Variants in KIFC1 observed in about 807,000 individuals in gnomAD.
The protein encoded by KIFC1 is kinesin-like protein KIFC1.
In KIFC1, 37 loss-of-function variants were observed where a neutral mutation model predicts 66.6. That is an observed-to-expected ratio of 0.56 (90% confidence interval 0.43 to 0.73). KIFC1 has a LOEUF of 0.73. Among genes scored for constraint, KIFC1 ranks in the 30% least tolerant of loss-of-function variants. KIFC1 has a pLI of 0.00. For synonymous variants in KIFC1, 325 were observed against 343.5 expected (o/e 0.95, Z 0.60); for missense variants, 721 against 859.8 (o/e 0.84, Z 2.02).
rs767073513 is a variant in KIFC1 at position 33,405,560 on chromosome 6, C to T, written c.1465C>T (p.Arg489Cys). Residue 489 changes from arginine (R) to cysteine (C), a missense_variant, in exon 7 of 11, where the codon CGT becomes TGT. By Grantham distance (180) the Arg-to-Cys change is radical. Coordinates refer to ENST00000428849, the MANE Select transcript of KIFC1 (RefSeq NM_002263.4). The surrounding 1 kb of genome is among the most constrained non-coding windows in gnomAD (Gnocchi z 5.4). The part of the protein sequence containing the change: ...KGQGGECEIR[R>C]AGPGSEELTV... ...TCAAGGGGGCGAGTGTGAGATTCGC[C>T]GTGCAGGGCCAGGGAGTGAGGAGCT... 1.6e-5 allele frequency: 26 copies of T among 1,592,034 alleles called. No homozygotes were observed. Among genetic ancestry groups the T allele is most frequent in the South Asian group, 8.0e-5 (7 of 87,766 alleles).
chr6:33,398,303 C>T lies in KIFC1; in HGVS notation c.166C>T (p.Leu56=), dbSNP rs2151085560. 1 of 1,614,038 alleles carries T rather than the reference C, an allele frequency of 6.2e-7. No individual in the cohort carries two copies. Among genetic ancestry groups the T allele is most frequent in the Non-Finnish European group, 8.5e-7 (1 of 1,180,014 alleles). The stretch of plus-strand genomic sequence containing the variant: ...CTTTCCCCAGAAACGGACAAGAGGC[C>T]TGGGTGCAACGACCAAAATTACCAC... ...LEPEKKRTRG[L]GATTKITTSH... Residue 56 remains leucine (L), a synonymous_variant, in exon 3 of 11, where the codon CTG becomes TTG. Coordinates refer to ENST00000428849, the MANE Select transcript of KIFC1 (RefSeq NM_002263.4).
chr6:33,409,808 T>C lies in KIFC1; in HGVS notation c.*118T>C, dbSNP rs1775859369. 3 of 1,090,856 alleles carry C rather than the reference T, an allele frequency of 2.8e-6. No individual in the cohort carries two copies. The highest frequency in any genetic ancestry group is 1.3e-5 in the South Asian group (1 of 76,538). The allele number at this position is 1,090,856 out of a possible 1,614,324, so 67.6% of individuals were successfully genotyped here. ...GGGAGGGTTGCTGGAGGGTGCTTTATTGGGTGGAGGGCACCATGTCCCAGG... is the reference window on the plus strand; with the variant it reads ...GGGAGGGTTGCTGGAGGGTGCTTTACTGGGTGGAGGGCACCATGTCCCAGG... On this transcript the variant is annotated 3_prime_UTR_variant, in exon 11 of 11. Transcript: ENST00000428849.
At position 33,405,704 on chromosome 6, in the gene KIFC1, G is replaced by GAGAAAGGA; in HGVS notation, c.1536+74_1536+81dup. 1 of 1,363,380 alleles carries GAGAAAGGA rather than the reference G, an allele frequency of 7.3e-7. No homozygotes were observed. The highest frequency in any genetic ancestry group is 2.5e-5 in the East Asian group (1 of 40,182). The allele number at this position is 1,363,380 out of a possible 1,614,324, so 84.5% of individuals were successfully genotyped here. A position where few individuals can be genotyped will look rare whatever the true frequency, so the allele number is the denominator to read the frequency against. The stretch of plus-strand genomic sequence containing the variant: ...GGGTGCCACGAGATGGAGGTAGAGG[G>GAGAAAGGA]AGAAAGGAGCAAGAGAGAATTGAAG... On this transcript the variant is annotated intron_variant, in intron 7 of 10. Transcript: ENST00000428849. This position sits in a 1 kb window ranked among gnomAD's most constrained non-coding sequence, Gnocchi z 5.4.
chr6:33,398,933 G>C (rs1448594259), intron 3 of KIFC1, among the ~76,000 whole-genome samples: 2 of 152,204 alleles, frequency 1.3e-5, no homozygotes, highest in Non-Finnish European at 2.9e-5. Context: ...AAGCAAGTAA[G>C]ACTATACTCC....
At chr6:33,396,436 C>CTTTT (rs199749552) in intron 1 of KIFC1, among the ~76,000 whole-genome samples, 154 of 116,126 alleles carry the variant, frequency 1.3e-3, no homozygotes, top group Non-Finnish European at 1.8e-3. Context: ...CTTTTCTTTT[C>CTTTT]TTTTTTTTTT....
At position 33,392,698 on chromosome 6, in the gene KIFC1, C is replaced by T. The variant is rs910716747; in HGVS notation, c.12+701C>T. On this transcript the variant is annotated intron_variant, in intron 1 of 10. Coordinates refer to ENST00000428849, the MANE Select transcript of KIFC1 (RefSeq NM_002263.4). ...GTGCCAGGAAAGGTCTGCCTGAATC[C>T]TTTGTTTACTAGTATTTCACGTTCA... Among the ~76,000 whole-genome samples the T allele has an allele frequency of 3.3e-5, 5 of 152,046 alleles. No individual in the cohort carries two copies. In the East Asian group the frequency reaches 7.8e-4, roughly 24 times the overall value.
chr6:33,405,593 A>G lies in KIFC1; in HGVS notation c.1498A>G (p.Thr500Ala). The change falls in exon 7 of 11, where the codon ACC becomes GCC. Residue 500 changes from threonine (T) to alanine (A), a missense_variant. Coordinates refer to ENST00000428849, the MANE Select transcript of KIFC1 (RefSeq NM_002263.4). The surrounding 1 kb of genome is among the most constrained non-coding windows in gnomAD (Gnocchi z 5.4). ...GCCAGGGAGTGAGGAGCTCACTGTC[A>G]CCAATGCTCGATATGTCCCTGTCTC... ...AGPGSEELTV[T>A]NARYVPVSCE... 1.3e-6 allele frequency: 2 copies of G among 1,545,750 alleles called. No individual in the cohort carries two copies. The highest frequency in any genetic ancestry group is 2.4e-5 in the South Asian group (2 of 82,378).
rs200810007 is a variant in KIFC1, at chr6:33,405,524, A to G, written c.1429A>G (p.Thr477Ala). ...ETVRDLLATG[T>A]RKGQGGECEI... Reference sequence around the variant, plus strand: ...TGTCCGGGACCTGCTGGCCACTGGAACCCGGAAGGGTCAAGGGGGCGAGTG... The same window carrying G: ...TGTCCGGGACCTGCTGGCCACTGGAGCCCGGAAGGGTCAAGGGGGCGAGTG... The change falls in exon 7 of 11, where the codon ACC (threonine) becomes GCC (alanine). Residue 477 changes from threonine (T) to alanine (A), a missense_variant. Transcript: ENST00000428849. The surrounding 1 kb of genome is among the most constrained non-coding windows in gnomAD (Gnocchi z 5.4). 169 of 1,611,930 alleles carry G rather than the reference A, an allele frequency of 1.0e-4. 2 individuals are homozygous for G. In the Middle Eastern group the frequency reaches 1.2e-3, roughly 11 times the overall value.
At chr6:33,391,682 T>G (rs895133049), upstream of KIFC1, 20 of 576,464 alleles carry the variant, frequency 3.5e-5, no homozygotes, top group African/African-American at 7.5e-5. Flanking sequence ...CTCCTGCGCC[T>G]GCGAAACAGA....
Position 33,405,455 on chromosome 6 carries a change from A to G in KIFC1, c.1360A>G (p.Thr454Ala), listed in dbSNP as rs1432484671. ...TCAGGAGCTGAGTGGTCAGGGCTGGACCTACAGCTTTGTAGCAAGCTACGT... is the reference window on the plus strand; with the variant it reads ...TCAGGAGCTGAGTGGTCAGGGCTGGGCCTACAGCTTTGTAGCAAGCTACGT... The part of the protein sequence containing the change: ...VAQELSGQGW[T>A]YSFVASYVEI... The change falls in exon 7 of 11, where the codon ACC (threonine) becomes GCC (alanine). Residue 454 changes from threonine to alanine, a missense_variant. Thr to Ala is a moderately conservative substitution (Grantham distance 58, BLOSUM62 0). Transcript: ENST00000428849. This position sits in a 1 kb window ranked among gnomAD's most constrained non-coding sequence, Gnocchi z 5.4. The G allele has an allele frequency of 8.1e-6, 13 of 1,609,692 alleles. No homozygotes were observed. The East Asian group carries it at 2.7e-4, about 33-fold the overall frequency.
At chr6:33,397,615 A>G (rs759097405) in intron 1 of KIFC1, among the ~76,000 whole-genome samples, 1 of 152,224 alleles carries the variant, frequency 6.6e-6, no homozygotes, top group Non-Finnish European at 1.5e-5. Flanking sequence ...CATTTCAAAC[A>G]TGGCTCAGTA....
intron 3 of KIFC1, among the ~76,000 whole-genome samples, chr6:33,399,502 A>G (rs1226297904): frequency 6.6e-6 from 1 of 151,750 alleles, no homozygotes; most frequent in Non-Finnish European, 1.5e-5. Flanking sequence ...TATTGTGGAA[A>G]CATCATAGAA....
At chr6:33,393,960 A>C (rs991886139) in intron 1 of KIFC1, among the ~76,000 whole-genome samples, 2 of 151,254 alleles carry the variant, frequency 1.3e-5, no homozygotes, top group Admixed American at 1.3e-4. Context: ...GTTAGCCCGG[A>C]TGGTCTCAAT....
rs1012196751 is a variant in KIFC1 at position 33,404,381 on chromosome 6, C to G, written c.756+252C>G. Among the ~76,000 whole-genome samples, 5 of 152,212 alleles carry G rather than the reference C, an allele frequency of 3.3e-5. No individual in the cohort carries two copies. The highest frequency in any genetic ancestry group is 1.2e-4 in the African/African-American group (5 of 41,454). ...AGCTCTCATTTAGATCTGTGTCTTTCTTAGTCCTCCATCCCTCTTTCTTTG... is the reference window on the plus strand; with the variant it reads ...AGCTCTCATTTAGATCTGTGTCTTTGTTAGTCCTCCATCCCTCTTTCTTTG... On this transcript the variant is annotated intron_variant, in intron 6 of 10. Transcript: ENST00000428849. The surrounding 1 kb of genome is among the most constrained non-coding windows in gnomAD (Gnocchi z 4.0).
intron 1 of KIFC1, among the ~76,000 whole-genome samples, chr6:33,397,397 A>G (rs1195841457): frequency 6.8e-6 from 1 of 146,492 alleles, no homozygotes; most frequent in Non-Finnish European, 1.5e-5. Flanking sequence ...TCCCAGGTTC[A>G]GGCGATTCTC....
chr6:33,407,551 C>G (rs1401260691), intron 10 of KIFC1, among the ~76,000 whole-genome samples: 2 of 152,224 alleles, frequency 1.3e-5, no homozygotes, highest in Non-Finnish European at 2.9e-5. Context: ...TGGATTGTTT[C>G]CACACTTTTT....
chr6:33,406,662 A>AG lies in KIFC1; in HGVS notation c.1899dup (p.Met634AspfsTer93). The AG allele has an allele frequency of 1.2e-6, 2 of 1,614,124 alleles. No homozygotes were observed. The highest frequency in any genetic ancestry group is 1.7e-6 in the Non-Finnish European group (2 of 1,180,002). ...CAGAACTCTCTGGGTGGTAGTGCTA[A>AG]GATGTGAGTGAAAGGGACAGATGGA... On this transcript the variant is annotated frameshift_variant, in exon 9 of 11. Coordinates refer to ENST00000428849, the MANE Select transcript of KIFC1 (RefSeq NM_002263.4). LOFTEE classifies it high-confidence loss of function. The surrounding 1 kb of genome is among the most constrained non-coding windows in gnomAD (Gnocchi z 4.5).
chr6:33,397,255 G>A (rs1165282253), intron 1 of KIFC1, among the ~76,000 whole-genome samples: 1 of 150,576 alleles, frequency 6.6e-6, no homozygotes, highest in Admixed American at 6.6e-5. Context: ...GGAATTACAG[G>A]CATAAGCCAC....
rs459927 is a variant in KIFC1 at position 33,405,755 on chromosome 6, G to C, written c.1536+124G>C. The C allele has an allele frequency of 0.35, 370,209 of 1,072,640 alleles. 67,625 individuals are homozygous for C. The highest frequency in any genetic ancestry group is 0.38 in the South Asian group (18,094 of 48,180). The allele number at this position is 1,072,640 out of a possible 1,614,324, so 66.4% of individuals were successfully genotyped here. A position where few individuals can be genotyped will look rare whatever the true frequency, so the allele number is the denominator to read the frequency against. On this transcript the variant is annotated intron_variant, in intron 7 of 10. Coordinates refer to ENST00000428849, the MANE Select transcript of KIFC1 (RefSeq NM_002263.4). This position sits in a 1 kb window ranked among gnomAD's most constrained non-coding sequence, Gnocchi z 5.4. ...GATGAAGTGCAAGTTATCAGGCTGG[G>C]TTACCACATCCGGTTTTGGCCTGTG...
Sources: gnomAD v4.1 joint callset for allele counts (sites outside exome capture counted in the v4.1 genomes callset) on GRCh38, gnomAD v4.1.1 for gene constraint, Gnocchi (gnomAD v3.1) non-coding constraint, MANE v1.5 for transcripts, NCBI Gene and HGNC (gene_info 2026-07-23, HGNC 2026-07-21) for gene names.